The following FHIT variants were observed in gnomAD, a reference collection of about 807,000 sequenced individuals.
The protein encoded by FHIT is fragile histidine triad diadenosine triphosphatase, also known as bis(5'-adenosyl)-triphosphatase.
FHIT carries 19 observed loss-of-function variants against 17.9 expected under a neutral mutation model. The ratio of observed to expected loss-of-function variants is 1.06; its 90% CI spans 0.74 to 1.56. The LOEUF (loss-of-function observed/expected upper bound fraction) is 1.56. Among genes scored for constraint, FHIT ranks in the 40% most tolerant of loss-of-function variants. FHIT has a pLI of 0.00. For missense variants in FHIT, 248 were observed against 189.2 expected (o/e 1.31, Z -1.82); for synonymous variants, 81 against 69.7 (o/e 1.16, Z -0.81).
intron 3 of FHIT, among the ~76,000 whole-genome samples, chr3:60,968,419 CTT>C (rs35256219): frequency 3.4e-4 from 49 of 143,168 alleles, no homozygotes; most frequent in South Asian, 1.1e-3. Flanking sequence ...TGCTGTAGGA[CTT>C]TTTTTTTTTT....
intron 5 of FHIT, among the ~76,000 whole-genome samples, chr3:60,243,911 C>A (rs1434181404): frequency 6.6e-6 from 1 of 152,036 alleles, no homozygotes; most frequent in Admixed American, 6.6e-5. Context: ...TAAGAGTCAG[C>A]AGGGAGAACA....
chr3:60,736,553 A>C (rs1229294678), intron 4 of FHIT, among the ~76,000 whole-genome samples: 7 of 152,234 alleles, frequency 4.6e-5, no homozygotes, highest in Non-Finnish European at 7.3e-5. Flanking sequence ...AAGACCACAT[A>C]TCATATGATT....
chr3:60,743,512 C>G (rs558154075), intron 4 of FHIT, among the ~76,000 whole-genome samples: 66 of 152,270 alleles, frequency 4.3e-4, no homozygotes, highest in African/African-American at 1.5e-3. Flanking sequence ...TGGCCTGCAC[C>G]TTGTGTATAA....
Position 60,311,295 on chromosome 3 carries a change from T to A in FHIT, c.103+225565A>T, listed in dbSNP as rs924823250. 2.6e-5 allele frequency among the ~76,000 whole-genome samples: 4 copies of A among 152,034 alleles called. No homozygotes were observed. In the South Asian group the frequency reaches 8.3e-4, roughly 32 times the overall value. ...TTTCATTTTGTTTAAATAGAACTAT[T>A]CCTCATTTGGGGGTTCTCTGCTGTG... On this transcript the variant is annotated intron_variant, in intron 5 of 9. Coordinates refer to ENST00000492590, the MANE Select transcript of FHIT (RefSeq NM_002012.4).
intron 3 of FHIT, among the ~76,000 whole-genome samples, chr3:60,957,047 T>A (rs1283205772): frequency 4.6e-5 from 7 of 152,016 alleles, no homozygotes; most frequent in Non-Finnish European, 1.0e-4. Context: ...ACCCTCCCCA[T>A]GAAATACACA....
At chr3:60,365,716 T>A (rs1700079665) in intron 5 of FHIT, among the ~76,000 whole-genome samples, 1 of 152,204 alleles carries the variant, frequency 6.6e-6, no homozygotes, top group South Asian at 2.1e-4. Flanking sequence ...CAGTGTTACG[T>A]CTTAAGATTT....
chr3:61,204,294 T>C (rs770962492), intron 1 of FHIT, among the ~76,000 whole-genome samples: 2 of 152,156 alleles, frequency 1.3e-5, no homozygotes, highest in African/African-American at 2.4e-5. Flanking sequence ...TTCTGGAATA[T>C]GGTAATGATC....
At chr3:60,779,553 A>T (rs1488383934) in intron 4 of FHIT, among the ~76,000 whole-genome samples, 2 of 152,194 alleles carry the variant, frequency 1.3e-5, no homozygotes, top group South Asian at 2.1e-4. Context: ...GGCAAGCATA[A>T]CTATAGCTAC....
chr3:60,292,791 A>G (rs1269410997), intron 5 of FHIT, among the ~76,000 whole-genome samples: 1 of 152,218 alleles, frequency 6.6e-6, no homozygotes, highest in Non-Finnish European at 1.5e-5. Context: ...CAACTCTTTT[A>G]AAGAAAGCCT....
chr3:59,986,574 T>C lies in FHIT; in HGVS notation c.279+24797A>G, dbSNP rs866445425. Among the ~76,000 whole-genome samples, 172 of 59,666 alleles carry C rather than the reference T, an allele frequency of 2.9e-3. 5 individuals are homozygous for C. Among genetic ancestry groups the C allele is most frequent in the African/African-American group, 9.8e-3 (118 of 12,006 alleles). 39.1% of individuals were successfully genotyped at this position (59,666 alleles called of 152,430 possible). A position where few individuals can be genotyped will look rare whatever the true frequency, so the allele number is the denominator to read the frequency against. The stretch of plus-strand genomic sequence containing the variant: ...ACACACACACACACACACACATATA[T>C]ACACACACACACACACACACACATA... On this transcript the variant is annotated intron_variant, in intron 7 of 9. Coordinates refer to ENST00000492590, the MANE Select transcript of FHIT (RefSeq NM_002012.4).
intron 3 of FHIT, among the ~76,000 whole-genome samples, chr3:60,953,899 G>GCTCAGTTTAAA (rs1308581965): frequency 2.0e-5 from 3 of 151,908 alleles, no homozygotes; most frequent in Non-Finnish European, 4.4e-5. Context: ...AGAGCATTTG[G>GCTCAGTTTAAA]CTCAGTTTAA....
At chr3:60,236,443 T>C (rs1559751165) in intron 5 of FHIT, among the ~76,000 whole-genome samples, 2 of 152,028 alleles carry the variant, frequency 1.3e-5, no homozygotes, top group Non-Finnish European at 2.9e-5. Context: ...TCCCCACTAC[T>C]ACCCTTCCAT....
chr3:60,948,084 C>T (rs1708715385), intron 3 of FHIT, among the ~76,000 whole-genome samples: 1 of 152,162 alleles, frequency 6.6e-6, no homozygotes. Context: ...CTAGTGGATT[C>T]TCCAGTCAAT....
intron 5 of FHIT, among the ~76,000 whole-genome samples, chr3:60,295,680 A>T (rs1010378852): frequency 3.9e-5 from 6 of 152,134 alleles, no homozygotes; most frequent in African/African-American, 1.4e-4. Flanking sequence ...AAACTGTAGT[A>T]GGTTGTAAGG....
At chr3:60,184,852 A>T (rs952243464) in intron 5 of FHIT, among the ~76,000 whole-genome samples, 31 of 152,054 alleles carry the variant, frequency 2.0e-4, no homozygotes, top group Admixed American at 7.9e-4. Context: ...CTTTTTTTAT[A>T]TTTTGGGTTA....
At chr3:61,144,750 G>C (rs990746246) in intron 2 of FHIT, among the ~76,000 whole-genome samples, 1 of 152,168 alleles carries the variant, frequency 6.6e-6, no homozygotes, top group Non-Finnish European at 1.5e-5. Flanking sequence ...GCATGAAGTG[G>C]TATCTCACTG....
At chr3:60,308,633 G>A (rs778644501) in intron 5 of FHIT, among the ~76,000 whole-genome samples, 24 of 151,782 alleles carry the variant, frequency 1.6e-4, no homozygotes, top group Non-Finnish European at 2.9e-4. Context: ...ATATTTGCAT[G>A]AGAGCATGAA....
At chr3:60,762,414 T>C (rs1699689167) in intron 4 of FHIT, among the ~76,000 whole-genome samples, 1 of 152,198 alleles carries the variant, frequency 6.6e-6, no homozygotes, top group Non-Finnish European at 1.5e-5. Flanking sequence ...CCTTCCCTCT[T>C]TCTTCTGCCT....
At chr3:60,878,766 T>A (rs1438049856) in intron 3 of FHIT, among the ~76,000 whole-genome samples, 1 of 152,180 alleles carries the variant, frequency 6.6e-6, no homozygotes, top group Non-Finnish European at 1.5e-5. Context: ...TGCAATAATT[T>A]GCTGAGAATG....
Sources: gnomAD v4.1 joint callset for allele counts (sites outside exome capture counted in the v4.1 genomes callset) on GRCh38, gnomAD v4.1.1 for gene constraint, MANE v1.5 for transcripts, NCBI Gene and HGNC (gene_info 2026-07-23, HGNC 2026-07-21) for gene names.